SLC16A1: variants seen among roughly 807,000 people sequenced by gnomAD.
SLC16A1 encodes monocarboxylate transporter 1.
SLC16A1 carries 11 observed loss-of-function variants against 32.2 expected under a neutral mutation model. The ratio of observed to expected loss-of-function variants is 0.34; its 90% CI spans 0.21 to 0.56. SLC16A1 has a LOEUF of 0.56. Among genes scored for constraint, SLC16A1 ranks in the 20% least tolerant of loss-of-function variants. The pLI is 0.87. For missense variants in SLC16A1, 435 were observed against 615.0 expected, an observed-to-expected ratio of 0.71 and a Z score of 3.10; for synonymous variants, 231 against 226.8, an observed-to-expected ratio of 1.02 and a Z score of -0.17.
Position 112,913,813 on chromosome 1 carries a change from G to T in SLC16A1, c.*78C>A. Reference sequence around the variant, plus strand: ...TCTACTATTTGCATTGAGCACCACTGGTAGATTACAGGCCAGTAGAATATT... The same window carrying T: ...TCTACTATTTGCATTGAGCACCACTTGTAGATTACAGGCCAGTAGAATATT... On this transcript the variant is annotated 3_prime_UTR_variant, in exon 5 of 5. Coordinates refer to ENST00000369626, the MANE Select transcript of SLC16A1 (RefSeq NM_003051.4). The T allele has an allele frequency of 6.6e-7, 1 of 1,523,578 alleles. No individual in the cohort carries two copies. The highest frequency in any genetic ancestry group is 9.1e-7 in the Non-Finnish European group (1 of 1,099,562). The allele number at this position is 1,523,578 out of a possible 1,614,324, so 94.4% of individuals were successfully genotyped here.
In SLC16A1 at chr1:112,933,455, CAAA is replaced by C. The variant is rs55668332; in HGVS notation, c.-44-4106_-44-4104del. ...TGGCCGACACAGCGAGACTGCGTCT[CAAA>C]AAAAAAAAAAAAAAAGTTTTAAAAT... On this transcript the variant is annotated intron_variant, in intron 1 of 4. Coordinates refer to ENST00000369626, the MANE Select transcript of SLC16A1 (RefSeq NM_003051.4). Among the ~76,000 whole-genome samples the C allele has an allele frequency of 1.8e-4, 15 of 83,738 alleles. No homozygotes were observed. In the East Asian group the frequency reaches 2.7e-3, roughly 15 times the overall value. 54.9% of individuals were successfully genotyped at this position (83,738 alleles called of 152,430 possible).
chr1:112,912,773 A>C lies in SLC16A1; in HGVS notation c.*1118T>G, dbSNP rs950134280. ...ATCTTTATTCGTTTGCCTGGTGCCA[A>C]ATTTTTCTGGCCCTTTTTAATTTGC... On this transcript the variant is annotated 3_prime_UTR_variant, in exon 5 of 5. Transcript: ENST00000369626. 1 of 152,040 alleles carries C rather than the reference A, an allele frequency of 6.6e-6. No individual in the cohort carries two copies. The highest frequency in any genetic ancestry group is 1.5e-5 in the Non-Finnish European group (1 of 68,014). The allele number at this position is 152,040 out of a possible 1,614,324, so 9.4% of individuals were successfully genotyped here.
chr1:112,948,756 GC>G (rs1479132466), intron 1 of SLC16A1, among the ~76,000 whole-genome samples: 10 of 152,004 alleles, frequency 6.6e-5, no homozygotes, highest in African/African-American at 2.2e-4. Flanking sequence ...GCCTGCCTGG[GC>G]CTCCCAAAGT....
chr1:112,920,656 T>A (rs1030752466), intron 3 of SLC16A1, among the ~76,000 whole-genome samples: 2 of 151,844 alleles, frequency 1.3e-5, no homozygotes, highest in African/African-American at 4.8e-5. Flanking sequence ...ATTTTTAAAA[T>A]ATAAAAACTA....
intron 1 of SLC16A1, among the ~76,000 whole-genome samples, chr1:112,939,795 G>C (rs117032996): frequency 6.6e-6 from 1 of 152,018 alleles, no homozygotes; most frequent in Non-Finnish European, 1.5e-5. Context: ...GTTAGCCACC[G>C]TGCCCTGCAT....
chr1:112,938,522 A>T (rs915243415), intron 1 of SLC16A1, among the ~76,000 whole-genome samples: 3 of 152,270 alleles, frequency 2.0e-5, no homozygotes, highest in African/African-American at 7.2e-5. Flanking sequence ...CCAAACACTC[A>T]GCAATTACGA....
chr1:112,938,852 C>T (rs1378571848), intron 1 of SLC16A1, among the ~76,000 whole-genome samples: 2 of 151,756 alleles, frequency 1.3e-5, no homozygotes, highest in Admixed American at 1.3e-4. Context: ...ACATAGACCA[C>T]TCTACCAATA....
At chr1:112,936,745 G>A (rs566568695) in intron 1 of SLC16A1, among the ~76,000 whole-genome samples, 14 of 152,080 alleles carry the variant, frequency 9.2e-5, no homozygotes, top group African/African-American at 3.1e-4. Flanking sequence ...AACTCAAGTT[G>A]GAAAAGAAAA....
At chr1:112,928,890 T>C (rs528556702) in intron 2 of SLC16A1, among the ~76,000 whole-genome samples, 5 of 152,320 alleles carry the variant, frequency 3.3e-5, no homozygotes, top group African/African-American at 1.2e-4. Flanking sequence ...CTCATTTCTG[T>C]TTTGAAATAC....
intron 2 of SLC16A1, among the ~76,000 whole-genome samples, chr1:112,924,662 G>A (rs937891821): frequency 3.9e-5 from 6 of 152,070 alleles, no homozygotes; most frequent in Non-Finnish European, 8.8e-5. Context: ...GTTGCAATTA[G>A]GTAATCTTGA....
intron 1 of SLC16A1, among the ~76,000 whole-genome samples, chr1:112,931,898 G>T (rs1292710503): frequency 6.6e-6 from 1 of 151,948 alleles, no homozygotes; most frequent in African/African-American, 2.4e-5. Context: ...ATGTTAGCAG[G>T]TCCATTTCAA....
chr1:112,938,258 C>T (rs113263872), intron 1 of SLC16A1, among the ~76,000 whole-genome samples: 6 of 152,080 alleles, frequency 3.9e-5, no homozygotes, highest in Admixed American at 1.3e-4. Context: ...ACATTCAAAT[C>T]CAGAAAGGCT....
At chr1:112,931,008 C>T (rs547894015) in intron 1 of SLC16A1, among the ~76,000 whole-genome samples, 1 of 152,248 alleles carries the variant, frequency 6.6e-6, no homozygotes, top group African/African-American at 2.4e-5. Flanking sequence ...CATGAGCCAC[C>T]ACTCCCAGCC....
chr1:112,912,482 T>C lies in SLC16A1; in HGVS notation c.*1409A>G, dbSNP rs548861929. 1.3e-5 allele frequency: 2 copies of C among 152,318 alleles called. No individual in the cohort carries two copies. Among genetic ancestry groups the C allele is most frequent in the African/African-American group, 4.8e-5 (2 of 41,584 alleles). 9.4% of individuals were successfully genotyped at this position (152,318 alleles called of 1,614,324 possible). A position where few individuals can be genotyped will look rare whatever the true frequency, so the allele number is the denominator to read the frequency against. On this transcript the variant is annotated 3_prime_UTR_variant, in exon 5 of 5. Coordinates refer to ENST00000369626, the MANE Select transcript of SLC16A1 (RefSeq NM_003051.4). The stretch of plus-strand genomic sequence containing the variant: ...ATATAATTCATTGAATGTCTGTATC[T>C]TTCTGCCTCGATTTAAGTGATATTA...
At chr1:112,914,601 A>G (rs1314520687) in intron 4 of SLC16A1, among the ~76,000 whole-genome samples, 1 of 152,224 alleles carries the variant, frequency 6.6e-6, no homozygotes, top group East Asian at 1.9e-4. Flanking sequence ...TCCAGTGCTA[A>G]AAATTTAAAA....
intron 1 of SLC16A1, among the ~76,000 whole-genome samples, chr1:112,941,124 C>T (rs1434305024): frequency 6.6e-6 from 1 of 151,992 alleles, no homozygotes. Flanking sequence ...AATTGTACTC[C>T]AAACCTTACC....
Position 112,917,084 on chromosome 1 carries a change from C to G in SLC16A1, c.1228+94G>C. 2 of 1,491,978 alleles carry G rather than the reference C, an allele frequency of 1.3e-6. No individual in the cohort carries two copies. The highest frequency in any genetic ancestry group is 1.9e-6 in the Non-Finnish European group (2 of 1,078,726). 92.4% of individuals were successfully genotyped at this position (1,491,978 alleles called of 1,614,324 possible). A position where few individuals can be genotyped will look rare whatever the true frequency, so the allele number is the denominator to read the frequency against. ...ATAAATGAGAAAGATTTATTCTTAC[C>G]CAAATAGCTCACTAATGTTTGCTTT... On this transcript the variant is annotated intron_variant, in intron 4 of 4. Transcript: ENST00000369626. The surrounding 1 kb of genome is among the most constrained non-coding windows in gnomAD (Gnocchi z 4.1).
intron 1 of SLC16A1, among the ~76,000 whole-genome samples, chr1:112,941,148 C>T (rs1174919088): frequency 6.6e-6 from 1 of 151,846 alleles, no homozygotes; most frequent in African/African-American, 2.4e-5. Context: ...ATGCAATATA[C>T]CTTTGTAAAA....
chr1:112,937,947 T>C (rs867394667), intron 1 of SLC16A1, among the ~76,000 whole-genome samples: 1 of 152,172 alleles, frequency 6.6e-6, no homozygotes, highest in African/African-American at 2.4e-5. Flanking sequence ...TTTCTGATAT[T>C]TTTTTCTCGT....
Sources: allele counts gnomAD v4.1 joint callset (sites outside exome capture counted in the v4.1 genomes callset), GRCh38; gene constraint gnomAD v4.1.1; non-coding constraint Gnocchi (gnomAD v3.1); transcripts MANE v1.5; gene names NCBI Gene and HGNC (gene_info 2026-07-23, HGNC 2026-07-21).